CADPS2: variants seen among roughly 807,000 people sequenced by gnomAD.
The protein encoded by CADPS2 is calcium dependent secretion activator 2, also known as calcium-dependent secretion activator 2.
CADPS2 carries 93 observed loss-of-function variants against 172.5 expected under a neutral mutation model. The ratio of observed to expected loss-of-function variants is 0.54; its 90% CI spans 0.46 to 0.64. The LOEUF (loss-of-function observed/expected upper bound fraction) is 0.64. Among genes scored for constraint, CADPS2 ranks in the 30% least tolerant of loss-of-function variants. CADPS2 has a pLI of 0.00. For synonymous variants in CADPS2, 546 were observed against 555.2 expected, an observed-to-expected ratio of 0.98 and a Z score of 0.23; for missense variants, 1,420 against 1,565.9, an observed-to-expected ratio of 0.91 and a Z score of 1.57.
chr7:122,645,308 CAT>C (rs1491263474), intron 3 of CADPS2, among the ~76,000 whole-genome samples: 2 of 121,854 alleles, frequency 1.6e-5, no homozygotes, highest in South Asian at 2.4e-4. Context: ...CACATATGTA[CAT>C]GTGTGTATAC....
At chr7:122,832,907 G>C (rs1196379500) in intron 1 of CADPS2, among the ~76,000 whole-genome samples, 2 of 152,122 alleles carry the variant, frequency 1.3e-5, no homozygotes, top group Non-Finnish European at 2.9e-5. Flanking sequence ...TAATTATAAT[G>C]AAATAGTGCA....
chr7:122,415,934 G>A (rs1172316026), intron 18 of CADPS2, 127 bp downstream of exon 18: 26 of 489,860 alleles, frequency 5.3e-5, no homozygotes, highest in East Asian at 4.3e-4. Flanking sequence ...ACTGCTTATC[G>A]TTGGTGCTTA....
chr7:122,645,508 ATATACTT>A lies in CADPS2; in HGVS notation c.787-16187_787-16181del, dbSNP rs1223545745. ...TTAGCGTATATATATATAAGTATAT[ATATACTT>A]ATATATATATAAGTATATATATATA... On this transcript the variant is annotated intron_variant, in intron 3 of 29. Coordinates refer to ENST00000449022, the MANE Select transcript of CADPS2 (RefSeq NM_017954.11). Among the ~76,000 whole-genome samples, 105 of 122,608 alleles carry A rather than the reference ATATACTT, an allele frequency of 8.6e-4. 3 individuals carry two copies. The highest frequency in any genetic ancestry group is 1.0e-3 in the Non-Finnish European group (59 of 57,152). 80.4% of individuals were successfully genotyped at this position (122,608 alleles called of 152,430 possible). A position where few individuals can be genotyped will look rare whatever the true frequency, so the allele number is the denominator to read the frequency against.
intron 1 of CADPS2, among the ~76,000 whole-genome samples, chr7:122,765,902 A>C (rs2093534665): frequency 6.6e-6 from 1 of 152,094 alleles, no homozygotes; most frequent in East Asian, 1.9e-4. Flanking sequence ...CAATTCCTGT[A>C]GAGGAATTGT....
chr7:122,632,776 A>G (rs2215665), intron 3 of CADPS2, among the ~76,000 whole-genome samples: 111,848 of 152,050 alleles, frequency 0.74, 41,630 homozygotes, highest in Middle Eastern at 0.91. Flanking sequence ...TGCCAAAGCT[A>G]AGGTCGAGAA....
rs188479139 is a variant in CADPS2, at chr7:122,496,062, G to A, written c.1543-4642C>T. ...ATTTATTCACCTTTTTAATGTTTTC[G>A]AGAAATGTTATTGCATTTTGTTAAT... On this transcript the variant is annotated intron_variant, in intron 9 of 29. Coordinates refer to ENST00000449022, the MANE Select transcript of CADPS2 (RefSeq NM_017954.11). Among the ~76,000 whole-genome samples, 1,073 of 152,034 alleles carry A rather than the reference G, an allele frequency of 7.1e-3. 6 individuals carry two copies. Among genetic ancestry groups the A allele is most frequent in the Non-Finnish European group, 0.011 (728 of 67,970 alleles).
intron 1 of CADPS2, among the ~76,000 whole-genome samples, chr7:122,772,643 A>T (rs1175071784): frequency 6.6e-6 from 1 of 152,048 alleles, no homozygotes. Flanking sequence ...CTAAAATACA[A>T]AAAAAAGGGC....
chr7:122,787,382 T>C lies in CADPS2; in HGVS notation c.340-50314A>G, dbSNP rs1160674000. Among the ~76,000 whole-genome samples, 4 of 152,176 alleles carry C rather than the reference T, an allele frequency of 2.6e-5. No individual in the cohort carries two copies. The East Asian group carries it at 7.7e-4, about 29-fold the overall frequency. On this transcript the variant is annotated intron_variant, in intron 1 of 29. Transcript: ENST00000449022. Reference sequence around the variant, plus strand: ...CACAGGTCTACCAGCTAGTTACTTGTTATCAATTATAAAACTTTCTGGATG... The same window carrying C: ...CACAGGTCTACCAGCTAGTTACTTGCTATCAATTATAAAACTTTCTGGATG...
intron 3 of CADPS2, among the ~76,000 whole-genome samples, chr7:122,639,699 C>T (rs1051101141): frequency 2.6e-5 from 4 of 152,142 alleles, no homozygotes; most frequent in Non-Finnish European, 4.4e-5. Context: ...TAATGATGTG[C>T]CCCATTTTAC....
At chr7:122,697,998 T>C in intron 2 of CADPS2, 1 of 1,613,566 alleles carries the variant, frequency 6.2e-7, no homozygotes, top group East Asian at 2.2e-5. Flanking sequence ...CAACAACCAC[T>C]TGAATCCCCA....
At chr7:122,410,885 C>T (rs892577008) in intron 19 of CADPS2, among the ~76,000 whole-genome samples, 2 of 152,140 alleles carry the variant, frequency 1.3e-5, no homozygotes, top group African/African-American at 4.8e-5. Context: ...CTTACTTAGT[C>T]CCCCAAACAA....
At chr7:122,406,519 C>G (rs781622405) in intron 20 of CADPS2, among the ~76,000 whole-genome samples, 1 of 152,148 alleles carries the variant, frequency 6.6e-6, no homozygotes, top group African/African-American at 2.4e-5. Flanking sequence ...CTGGGTTATT[C>G]AGGTCACATG....
chr7:122,577,093 C>T (rs1026775317), intron 7 of CADPS2, among the ~76,000 whole-genome samples: 21 of 151,896 alleles, frequency 1.4e-4, no homozygotes, highest in Admixed American at 9.2e-4. Flanking sequence ...TCTGGCATTT[C>T]CCCTGCTTGC....
At chr7:122,843,032 C>T (rs1376419294) in intron 1 of CADPS2, among the ~76,000 whole-genome samples, 5 of 152,034 alleles carry the variant, frequency 3.3e-5, no homozygotes, top group Admixed American at 3.3e-4. Flanking sequence ...GAAGAAGACA[C>T]AAGGGAAAAA....
At chr7:122,781,971 G>A (rs1315999804) in intron 1 of CADPS2, among the ~76,000 whole-genome samples, 1 of 152,148 alleles carries the variant, frequency 6.6e-6, no homozygotes, top group Admixed American at 6.5e-5. Context: ...GACATGAAAT[G>A]TCAATCCATT....
At chr7:122,643,515 C>T (rs1418672172) in intron 3 of CADPS2, among the ~76,000 whole-genome samples, 1 of 152,204 alleles carries the variant, frequency 6.6e-6, no homozygotes. Flanking sequence ...CTTTGAGTTT[C>T]AGCTTTGCAC....
At chr7:122,483,450 C>G (rs2057498664) in intron 11 of CADPS2, among the ~76,000 whole-genome samples, 1 of 151,952 alleles carries the variant, frequency 6.6e-6, no homozygotes, top group Non-Finnish European at 1.5e-5. Context: ...ACCAGCAGAT[C>G]TGCACTACAA....
intron 1 of CADPS2, among the ~76,000 whole-genome samples, chr7:122,880,365 T>C (rs946154653): frequency 1.2e-4 from 19 of 152,354 alleles, no homozygotes; most frequent in African/African-American, 4.6e-4. Flanking sequence ...ACACCTTTTA[T>C]AAGTCTAAAT....
At chr7:122,757,116 C>T (rs1206951835) in intron 1 of CADPS2, among the ~76,000 whole-genome samples, 1 of 151,944 alleles carries the variant, frequency 6.6e-6, no homozygotes, top group Non-Finnish European at 1.5e-5. Flanking sequence ...TGTTTTTGAA[C>T]AATGCTGGTC....
Sources: allele counts gnomAD v4.1 joint callset (sites outside exome capture counted in the v4.1 genomes callset), GRCh38; gene constraint gnomAD v4.1.1; transcripts MANE v1.5; gene names NCBI Gene and HGNC (gene_info 2026-07-23, HGNC 2026-07-21).